ASB4: variants seen among roughly 807,000 people sequenced by gnomAD.
ASB4 encodes ankyrin repeat and SOCS box protein 4.
A neutral mutation model predicts 38.6 loss-of-function variants in ASB4; 35 were observed. The ratio of observed to expected loss-of-function variants is 0.91; its 90% CI spans 0.69 to 1.20. The LOEUF (loss-of-function observed/expected upper bound fraction) is 1.20, where lower values mean the gene tolerates loss of function less well. Among genes scored for constraint, ASB4 ranks in the 50% most tolerant of loss-of-function variants. ASB4 has a pLI of 0.00. For synonymous variants in ASB4, 195 were observed against 201.3 expected, an observed-to-expected ratio of 0.97 and a Z score of 0.26; for missense variants, 557 against 527.2, an observed-to-expected ratio of 1.06 and a Z score of -0.55.
In ASB4 at chr7:95,536,459, GTCCTA is replaced by G; in HGVS notation, c.1002_1006del (p.Cys334Ter). 6.2e-7 allele frequency: 1 copy of G among 1,612,782 alleles called. No homozygotes were observed. The highest frequency in any genetic ancestry group is 2.2e-5 in the East Asian group (1 of 44,850). ...CAGGTGATACAGGCCTGCCATTCTT[GTCCTA>G]AAGCAATTGAAGTTGTAGTCAATGC... On this transcript the variant is annotated stop_gained and frameshift_variant, in exon 4 of 5. Coordinates refer to ENST00000325885, the MANE Select transcript of ASB4 (RefSeq NM_016116.3).
chr7:95,510,930 G>A (rs1790471076), intron 2 of ASB4, among the ~76,000 whole-genome samples: 1 of 152,130 alleles, frequency 6.6e-6, no homozygotes, highest in Non-Finnish European at 1.5e-5. Flanking sequence ...AGGGGAGCCT[G>A]GAGCTTATTA....
chr7:95,486,731 A>T (rs1352547471), intron 1 of ASB4, among the ~76,000 whole-genome samples: 1 of 152,252 alleles, frequency 6.6e-6, no homozygotes, highest in Non-Finnish European at 1.5e-5. Context: ...AGCAAAACCA[A>T]AAAGTTAACT....
At chr7:95,513,253 GTTTTTTTTTTTTTT>G (rs536945120) in intron 2 of ASB4, among the ~76,000 whole-genome samples, 1 of 77,024 alleles carries the variant, frequency 1.3e-5, no homozygotes, top group East Asian at 4.3e-4. Context: ...TTTTTTGTTT[GTTTTTTTTTTTTTT>G]TTTTTTTAGA....
chr7:95,513,569 G>T (rs3779488), intron 2 of ASB4, among the ~76,000 whole-genome samples: 7,075 of 152,144 alleles, frequency 0.047, 315 homozygotes, highest in South Asian at 0.11. Context: ...CTCAAAGTTT[G>T]CTGATTTACA....
chr7:95,471,528 T>C, the ASB4 span, among the ~76,000 whole-genome samples: 1 of 152,182 alleles, frequency 6.6e-6, no homozygotes, highest in Admixed American at 6.5e-5. Flanking sequence ...CTATTAGCAA[T>C]TATATTTGTA....
chr7:95,474,486 C>G (rs962419339), upstream of ASB4, among the ~76,000 whole-genome samples: 4 of 152,222 alleles, frequency 2.6e-5, no homozygotes, highest in African/African-American at 9.6e-5. Context: ...GTTATGATTG[C>G]AGAATGTGCA....
At chr7:95,528,457 G>C in intron 3 of ASB4, 154 bp downstream of exon 3, 1 of 1,461,820 alleles carries the variant, frequency 6.8e-7, no homozygotes, top group Middle Eastern at 2.2e-4. Flanking sequence ...AATCCTAGCT[G>C]TCTCCTCATC....
chr7:95,488,272 C>T (rs2116576752), intron 1 of ASB4, among the ~76,000 whole-genome samples: 1 of 152,206 alleles, frequency 6.6e-6, no homozygotes, highest in Non-Finnish European at 1.5e-5. Flanking sequence ...ACCCGGGAGG[C>T]GGAGCTTGCA....
chr7:95,525,398 A>G (rs1165895413), intron 2 of ASB4, among the ~76,000 whole-genome samples: 2 of 152,198 alleles, frequency 1.3e-5, no homozygotes, highest in Non-Finnish European at 2.9e-5. Flanking sequence ...AATTTATTGA[A>G]TAAATCACAA....
At chr7:95,483,420 C>T (rs1790040110), upstream of ASB4, among the ~76,000 whole-genome samples, 1 of 152,172 alleles carries the variant, frequency 6.6e-6, no homozygotes, top group Non-Finnish European at 1.5e-5. Flanking sequence ...AACTCTCAAA[C>T]ACAGAGAATT....
At chr7:95,542,085 A>AAAC (rs1554352016), downstream of ASB4, 12 of 99,946 alleles carry the variant, frequency 1.2e-4, no homozygotes, top group African/African-American at 4.2e-4. Flanking sequence ...CAAAAAAAAC[A>AAAC]AAAAAAAAAC....
chr7:95,473,786 T>C (rs43062), upstream of ASB4: 123,319 of 152,030 alleles, frequency 0.81, 50,237 homozygotes, highest in South Asian at 0.9. Flanking sequence ...GGAACAATGG[T>C]CAGGGACTCC....
At chr7:95,548,737 T>C in the ASB4 span, among the ~76,000 whole-genome samples, 1 of 152,230 alleles carries the variant, frequency 6.6e-6, no homozygotes, top group Non-Finnish European at 1.5e-5. Flanking sequence ...TTGTTACCAG[T>C]AGCTTGACTA....
At chr7:95,522,354 T>A (rs1385573219) in intron 2 of ASB4, among the ~76,000 whole-genome samples, 1 of 152,116 alleles carries the variant, frequency 6.6e-6, no homozygotes, top group Non-Finnish European at 1.5e-5. Context: ...AACACCTCTA[T>A]CAGTTCGAAT....
At chr7:95,547,022 A>G in the ASB4 span, among the ~76,000 whole-genome samples, 1 of 152,186 alleles carries the variant, frequency 6.6e-6, no homozygotes, top group Non-Finnish European at 1.5e-5. Flanking sequence ...TAATAGGCGA[A>G]TTAGGTTAAG....
intron 2 of ASB4, among the ~76,000 whole-genome samples, chr7:95,514,316 A>G (rs1258882810): frequency 6.6e-6 from 1 of 152,186 alleles, no homozygotes; most frequent in African/African-American, 2.4e-5. Flanking sequence ...TACACCTCTA[A>G]TACACCATTC....
At chr7:95,491,279 T>A (rs376423884) in intron 1 of ASB4, among the ~76,000 whole-genome samples, 4 of 152,208 alleles carry the variant, frequency 2.6e-5, no homozygotes, top group African/African-American at 9.7e-5. Context: ...GAGCTTCTTA[T>A]TCAAACAGAA....
downstream of ASB4, among the ~76,000 whole-genome samples, chr7:95,544,830 G>C (rs1791011401): frequency 6.6e-6 from 1 of 152,064 alleles, no homozygotes. Flanking sequence ...AAGTAGCTGG[G>C]ATTACAGGTG....
chr7:95,474,736 G>T (rs141059643), upstream of ASB4, among the ~76,000 whole-genome samples: 2 of 152,000 alleles, frequency 1.3e-5, no homozygotes, highest in South Asian at 4.1e-4. Flanking sequence ...TGTTGTCTAG[G>T]CTGGTCATGA....
Sources: allele counts gnomAD v4.1 joint callset (sites outside exome capture counted in the v4.1 genomes callset), GRCh38; gene constraint gnomAD v4.1.1; transcripts MANE v1.5; gene names NCBI Gene and HGNC (gene_info 2026-07-23, HGNC 2026-07-21).